Variants in ART3 observed in about 807,000 individuals in gnomAD.
ART3 encodes the protein ecto-ADP-ribosyltransferase 3.
A neutral mutation model predicts 48.5 loss-of-function variants in ART3; 49 were observed. That is an observed-to-expected ratio of 1.01 (90% CI 0.80 to 1.28). ART3 has a LOEUF of 1.28. Among genes scored for constraint, ART3 ranks in the 50% most tolerant of loss-of-function variants. The pLI is 0.00. For missense variants in ART3, 438 were observed against 454.3 expected, an observed-to-expected ratio of 0.96 and a Z score of 0.33; for synonymous variants, 145 against 157.2, an observed-to-expected ratio of 0.92 and a Z score of 0.58.
At chr4:76,109,629 T>G (rs908772428) in intron 11 of ART3, among the ~76,000 whole-genome samples, 10 of 152,212 alleles carry the variant, frequency 6.6e-5, no homozygotes, top group Non-Finnish European at 8.8e-5. Context: ...GTAGGTTTAT[T>G]TACACCATCA....
intron 1 of ART3, among the ~76,000 whole-genome samples, chr4:76,049,209 A>G (rs1246841661): frequency 2.6e-5 from 4 of 151,968 alleles, no homozygotes; most frequent in African/African-American, 9.7e-5. Flanking sequence ...AATCATTCTT[A>G]TAGGAGAAAC....
At chr4:76,103,495 C>T (rs1021045181) in intron 8 of ART3, among the ~76,000 whole-genome samples, 1 of 152,154 alleles carries the variant, frequency 6.6e-6, no homozygotes, top group Admixed American at 6.5e-5. Flanking sequence ...GCAGTCTTTC[C>T]TTCAATCTTC....
chr4:76,050,199 G>C (rs191267767), intron 1 of ART3, among the ~76,000 whole-genome samples: 3,990 of 152,134 alleles, frequency 0.026, 168 homozygotes, highest in African/African-American at 0.089. Flanking sequence ...GGACCTGAGC[G>C]GGTTGCCACT....
At chr4:76,081,591 T>C (rs1271281727) in intron 2 of ART3, among the ~76,000 whole-genome samples, 2 of 152,172 alleles carry the variant, frequency 1.3e-5, no homozygotes, top group African/African-American at 4.8e-5. Context: ...AGGCACAATC[T>C]CACCCATACC....
At chr4:76,109,865 T>C (rs1371367301) in intron 11 of ART3, among the ~76,000 whole-genome samples, 2 of 152,350 alleles carry the variant, frequency 1.3e-5, no homozygotes, top group Non-Finnish European at 2.9e-5. Flanking sequence ...CTATGGCAAG[T>C]ACATTGATAA....
chr4:76,043,772 C>T (rs1251634484), intron 1 of ART3, among the ~76,000 whole-genome samples: 1 of 150,228 alleles, frequency 6.7e-6, no homozygotes, highest in East Asian at 2.0e-4. Flanking sequence ...TCAAGTGCCG[C>T]CAAAGTGGAA....
chr4:76,043,526 T>C (rs1055993473), intron 1 of ART3, among the ~76,000 whole-genome samples: 3 of 152,248 alleles, frequency 2.0e-5, no homozygotes, highest in East Asian at 1.9e-4. Flanking sequence ...GCTGCTGGCC[T>C]GGGTGCTAAG....
At chr4:76,096,436 T>C (rs1173502634) in intron 3 of ART3, among the ~76,000 whole-genome samples, 1 of 152,208 alleles carries the variant, frequency 6.6e-6, no homozygotes, top group Non-Finnish European at 1.5e-5. Flanking sequence ...ATATCTTTTT[T>C]AGGAGCCAGG....
intron 1 of ART3, among the ~76,000 whole-genome samples, chr4:76,027,925 TAGA>T (rs1733552500): frequency 6.6e-6 from 1 of 150,706 alleles, no homozygotes; most frequent in Admixed American, 6.6e-5. Context: ...AAATCTCAGA[TAGA>T]CTAAGATGAA....
At chr4:76,067,385 G>A (rs746459426) in intron 1 of ART3, among the ~76,000 whole-genome samples, 3 of 152,220 alleles carry the variant, frequency 2.0e-5, no homozygotes, top group Non-Finnish European at 4.4e-5. Context: ...CAGGGTGAAA[G>A]GACATAGAAA....
chr4:76,107,703 T>C, intron 10 of ART3, 58 bp from the exon 11 acceptor site: 1 of 1,219,692 alleles, frequency 8.2e-7, no homozygotes. Context: ...ATCAGATCTT[T>C]CTTTTCTGGA....
chr4:76,044,361 G>A (rs1735287972), intron 1 of ART3, among the ~76,000 whole-genome samples: 1 of 152,054 alleles, frequency 6.6e-6, no homozygotes, highest in Admixed American at 6.6e-5. Context: ...CAGTGAGGAG[G>A]TCTAGGCCTT....
chr4:76,050,544 A>T (rs1037443425), intron 1 of ART3, among the ~76,000 whole-genome samples: 2 of 152,196 alleles, frequency 1.3e-5, no homozygotes, highest in Non-Finnish European at 2.9e-5. Context: ...TGAGCTAGAC[A>T]TAAAAGTTCT....
chr4:76,037,894 T>C (rs1734584200), intron 1 of ART3, among the ~76,000 whole-genome samples: 1 of 152,310 alleles, frequency 6.6e-6, no homozygotes, highest in African/African-American at 2.4e-5. Flanking sequence ...TATTATTTTA[T>C]CTTATTCAAC....
chr4:76,034,728 C>T, intron 1 of ART3: 2 of 1,183,098 alleles, frequency 1.7e-6, no homozygotes, highest in Non-Finnish European at 2.5e-6. Context: ...TTTCAGTAGT[C>T]ACAGTTAAAC....
chr4:76,089,349 G>A (rs1724307993), intron 3 of ART3, among the ~76,000 whole-genome samples: 2 of 150,658 alleles, frequency 1.3e-5, no homozygotes, highest in Non-Finnish European at 2.9e-5. Flanking sequence ...GGGCCTGGAA[G>A]GAGGTGATTG....
chr4:76,097,699 T>C, intron 4 of ART3, 23 bp downstream of exon 4: 1 of 1,587,990 alleles, frequency 6.3e-7, no homozygotes, highest in Non-Finnish European at 8.6e-7. Flanking sequence ...TAAAGTCTTA[T>C]CCCTATAATA....
intron 5 of ART3, chr4:76,099,238 G>A: frequency 4.5e-6 from 2 of 444,008 alleles, no homozygotes; most frequent in Non-Finnish European, 8.3e-6. Context: ...GGAGGCAGAG[G>A]TTGCAGTGAG....
At chr4:76,108,022 C>T (rs1489230212) in intron 11 of ART3, among the ~76,000 whole-genome samples, 1 of 151,398 alleles carries the variant, frequency 6.6e-6, no homozygotes, top group Non-Finnish European at 1.5e-5. Flanking sequence ...AGTTTCTACT[C>T]TTAGAACAGT....
Sources: gnomAD v4.1 joint callset for allele counts (sites outside exome capture counted in the v4.1 genomes callset) on GRCh38, gnomAD v4.1.1 for gene constraint, MANE v1.5 for transcripts, NCBI Gene and HGNC (gene_info 2026-07-23, HGNC 2026-07-21) for gene names.